KCNAB1: variants seen among roughly 807,000 people sequenced by gnomAD.
The protein encoded by KCNAB1 is voltage-gated potassium channel subunit beta-1.
In KCNAB1, 35 loss-of-function variants were observed where a neutral mutation model predicts 64.6. That is an observed-to-expected ratio of 0.54 (90% CI 0.41 to 0.72). The LOEUF (loss-of-function observed/expected upper bound fraction) is 0.72, where lower values mean the gene tolerates loss of function less well. KCNAB1 is among the 30% of genes least tolerant of loss of function. The pLI is 0.00. For synonymous variants in KCNAB1, 177 were observed against 183.8 expected, an observed-to-expected ratio of 0.96 and a Z score of 0.30; for missense variants, 401 against 512.9, an observed-to-expected ratio of 0.78 and a Z score of 2.11.
chr3:156,292,260 A>T, intron 1 of KCNAB1: 1 of 1,017,438 alleles, frequency 9.8e-7, no homozygotes, highest in Non-Finnish European at 1.5e-6. Flanking sequence ...GGTGGTTCTA[A>T]AATAGCTCTT....
At chr3:156,402,185 G>A (rs189471501) in intron 1 of KCNAB1, among the ~76,000 whole-genome samples, 24 of 151,626 alleles carry the variant, frequency 1.6e-4, no homozygotes, top group African/African-American at 5.8e-4. Flanking sequence ...AAGAAAAAGT[G>A]TTGTGGGTGG....
chr3:156,311,240 C>G (rs1279780742), intron 1 of KCNAB1, among the ~76,000 whole-genome samples: 1 of 152,178 alleles, frequency 6.6e-6, no homozygotes, highest in African/African-American at 2.4e-5. Flanking sequence ...ATTGAGCCAA[C>G]AGAGGCTCAG....
intron 1 of KCNAB1, chr3:156,291,802 C>A: frequency 6.4e-7 from 1 of 1,557,368 alleles, no homozygotes. Context: ...GAAGGGGGAG[C>A]AAGGAGGGCT....
chr3:156,391,240 G>A (rs1317807400), intron 1 of KCNAB1, among the ~76,000 whole-genome samples: 1 of 152,140 alleles, frequency 6.6e-6, no homozygotes, highest in Admixed American at 6.5e-5. Context: ...CCTTGGGCAA[G>A]TTACTTAACT....
chr3:156,503,431 A>G (rs1469412748), intron 8 of KCNAB1, among the ~76,000 whole-genome samples: 1 of 152,226 alleles, frequency 6.6e-6, no homozygotes, highest in Non-Finnish European at 1.5e-5. Flanking sequence ...TGCTAGGATT[A>G]AAGAGTACAT....
intron 1 of KCNAB1, among the ~76,000 whole-genome samples, chr3:156,379,170 G>A (rs906389885): frequency 1.3e-5 from 2 of 152,330 alleles, no homozygotes; most frequent in South Asian, 2.1e-4. Context: ...CCGCTGAGAA[G>A]AGTCGGGATC....
chr3:156,397,617 C>CT (rs36009030), intron 1 of KCNAB1, among the ~76,000 whole-genome samples: 14 of 151,484 alleles, frequency 9.2e-5, no homozygotes, highest in East Asian at 1.9e-4. Flanking sequence ...GTTTCCTTCC[C>CT]TTTTTTTTTC....
intron 1 of KCNAB1, among the ~76,000 whole-genome samples, chr3:156,191,202 G>A (rs570020389): frequency 6.6e-6 from 1 of 152,324 alleles, no homozygotes; most frequent in South Asian, 2.1e-4. Flanking sequence ...ATGCAGAAAA[G>A]GCCTCAAGGC....
intron 2 of KCNAB1, among the ~76,000 whole-genome samples, chr3:156,451,041 G>A (rs1711964790): frequency 6.6e-6 from 1 of 152,160 alleles, no homozygotes; most frequent in Non-Finnish European, 1.5e-5. Context: ...AAGATGTGGA[G>A]GCTTTAATTA....
rs187542672 is a variant in KCNAB1, at chr3:156,299,201, C to T, written c.276-122415C>T. On this transcript the variant is annotated intron_variant, in intron 1 of 13. Coordinates refer to ENST00000490337, the MANE Select transcript of KCNAB1 (RefSeq NM_172160.3). ...TTCTTGGGTAGGCCCCATTTTTCAA[C>T]ACAGGAAAGAAGCACAGCACATGCA... 3.9e-5 allele frequency among the ~76,000 whole-genome samples: 6 copies of T among 152,332 alleles called. No individual in the cohort carries two copies. The East Asian group carries it at 1.2e-3, about 29-fold the overall frequency.
chr3:156,252,763 TC>T (rs1255710962), intron 1 of KCNAB1, among the ~76,000 whole-genome samples: 7 of 152,178 alleles, frequency 4.6e-5, no homozygotes, highest in Non-Finnish European at 1.0e-4. Context: ...GGACAGGCTT[TC>T]TTCTCAGTGC....
intron 8 of KCNAB1, among the ~76,000 whole-genome samples, chr3:156,495,069 G>A (rs1430639824): frequency 6.6e-6 from 1 of 152,050 alleles, no homozygotes; most frequent in African/African-American, 2.4e-5. Flanking sequence ...GCCCTGCAGT[G>A]TGTCCATGTG....
chr3:156,230,897 TAG>T (rs1226383203), intron 1 of KCNAB1, among the ~76,000 whole-genome samples: 2 of 152,242 alleles, frequency 1.3e-5, no homozygotes, highest in African/African-American at 4.8e-5. Flanking sequence ...GCACACACTT[TAG>T]AGAGTCAACA....
At chr3:156,245,989 T>C (rs1049463030) in intron 1 of KCNAB1, among the ~76,000 whole-genome samples, 2 of 151,644 alleles carry the variant, frequency 1.3e-5, no homozygotes, top group African/African-American at 4.9e-5. Context: ...AAAAAAAGAC[T>C]AACAGCATTT....
chr3:156,440,715 G>A (rs755925282), intron 2 of KCNAB1, among the ~76,000 whole-genome samples: 3 of 152,156 alleles, frequency 2.0e-5, no homozygotes, highest in Non-Finnish European at 4.4e-5. Context: ...CTGTCCACTT[G>A]ATACAGCTAT....
chr3:156,206,442 A>G (rs1714667956), intron 1 of KCNAB1, among the ~76,000 whole-genome samples: 1 of 152,174 alleles, frequency 6.6e-6, no homozygotes, highest in African/African-American at 2.4e-5. Context: ...CCCTGCAACA[A>G]GGAGAACCTT....
intron 2 of KCNAB1, among the ~76,000 whole-genome samples, chr3:156,448,790 ATGTT>A (rs1286312619): frequency 1.4e-5 from 2 of 140,592 alleles, no homozygotes; most frequent in Non-Finnish European, 3.0e-5. Flanking sequence ...CATAATAAAG[ATGTT>A]TGTTTGGTAG....
intron 1 of KCNAB1, among the ~76,000 whole-genome samples, chr3:156,190,605 G>A (rs757387200): frequency 6.6e-6 from 1 of 152,196 alleles, no homozygotes; most frequent in African/African-American, 2.4e-5. Flanking sequence ...TCTGCAAAAT[G>A]AGAACAGTAA....
chr3:156,449,752 G>T (rs766596142), intron 2 of KCNAB1, among the ~76,000 whole-genome samples: 1 of 152,216 alleles, frequency 6.6e-6, no homozygotes, highest in Non-Finnish European at 1.5e-5. Context: ...GAAAGTAGAT[G>T]AAATTATTCC....
Sources: gnomAD v4.1 joint callset for allele counts (sites outside exome capture counted in the v4.1 genomes callset) on GRCh38, gnomAD v4.1.1 for gene constraint, MANE v1.5 for transcripts, NCBI Gene and HGNC (gene_info 2026-07-23, HGNC 2026-07-21) for gene names.